Variants in CDC42EP3 observed in about 807,000 individuals in gnomAD.
CDC42EP3 encodes CDC42 effector protein (Rho GTPase binding) 3.
Under a neutral mutation model 15.5 loss-of-function variants are expected in CDC42EP3, and 4 were observed. The observed-to-expected ratio is 0.26, with a 90% confidence interval of 0.13 to 0.59. The LOEUF (loss-of-function observed/expected upper bound fraction) is 0.59, where lower values mean the gene tolerates loss of function less well. CDC42EP3 is among the 20% of genes least tolerant of loss of function. The pLI is 0.89. For synonymous variants in CDC42EP3, 145 were observed against 130.3 expected (o/e 1.11, Z -0.77); for missense variants, 309 against 311.2 (o/e 0.99, Z 0.05).
At chr2:37,667,860 G>C (rs1666292685) in intron 1 of CDC42EP3, among the ~76,000 whole-genome samples, 1 of 152,176 alleles carries the variant, frequency 6.6e-6, no homozygotes, top group African/African-American at 2.4e-5. Context: ...TTCAAACCCT[G>C]CTTCTGCTAT....
chr2:37,665,581 G>T (rs1159608973), intron 1 of CDC42EP3, among the ~76,000 whole-genome samples: 2 of 152,202 alleles, frequency 1.3e-5, no homozygotes, highest in Non-Finnish European at 2.9e-5. Context: ...AAATGATTAT[G>T]ATGTATTTGG....
At position 37,643,882 on chromosome 2, in the gene CDC42EP3, A is replaced by C. The variant is rs1335239574; in HGVS notation, c.*1941T>G. ...ACGAAATACAACTGAGAAGTTACGG[A>C]AAGCACACAATGCCCTAGGGCAAGC... On this transcript the variant is annotated 3_prime_UTR_variant, in exon 2 of 2. Transcript: ENST00000295324. 6.6e-6 allele frequency: 1 copy of C among 152,222 alleles called. No individual in the cohort carries two copies. Among genetic ancestry groups the C allele is most frequent in the African/African-American group, 2.4e-5 (1 of 41,454 alleles). The allele number at this position is 152,222 out of a possible 1,614,324, so 9.4% of individuals were successfully genotyped here.
chr2:37,647,662 C>T (rs780494220), intron 1 of CDC42EP3: 4 of 152,576 alleles, frequency 2.6e-5, no homozygotes, highest in Non-Finnish European at 5.9e-5. Context: ...GATCTGCCTC[C>T]TGGTGTTAAT....
At chr2:37,649,665 C>T (rs1210829548) in intron 1 of CDC42EP3, among the ~76,000 whole-genome samples, 1 of 151,930 alleles carries the variant, frequency 6.6e-6, no homozygotes, top group African/African-American at 2.4e-5. Context: ...GCTGGGCACC[C>T]ACCAGGGAGC....
chr2:37,661,714 C>T (rs767076823), intron 1 of CDC42EP3, among the ~76,000 whole-genome samples: 3 of 152,076 alleles, frequency 2.0e-5, no homozygotes, highest in Admixed American at 6.5e-5. Context: ...AGCCATCTGA[C>T]GGACTCTGGA....
At chr2:37,654,238 C>T (rs746485858) in intron 1 of CDC42EP3, among the ~76,000 whole-genome samples, 1 of 152,014 alleles carries the variant, frequency 6.6e-6, no homozygotes, top group African/African-American at 2.4e-5. Flanking sequence ...TCCTAGGCTC[C>T]ACATTTAGAA....
chr2:37,660,350 G>C lies in CDC42EP3; in HGVS notation c.-236+11076C>G, dbSNP rs186870534. On this transcript the variant is annotated intron_variant, in intron 1 of 1. Transcript: ENST00000295324. Reference sequence around the variant, plus strand: ...TTAGAAGTTAATTCCCCTGTCAATGGGACATAGGGCTGGGGCTATCTTCTC... The same window carrying C: ...TTAGAAGTTAATTCCCCTGTCAATGCGACATAGGGCTGGGGCTATCTTCTC... Among the ~76,000 whole-genome samples, 261 of 152,276 alleles carry C rather than the reference G, an allele frequency of 1.7e-3. 5 individuals are homozygous for C. The highest frequency in any genetic ancestry group is 3.4e-3 in the Middle Eastern group (1 of 294).
intron 1 of CDC42EP3, among the ~76,000 whole-genome samples, chr2:37,654,340 G>T (rs780836272): frequency 1.3e-5 from 2 of 152,118 alleles, no homozygotes; most frequent in Non-Finnish European, 2.9e-5. Flanking sequence ...TGTGAGAAGA[G>T]GCTGAAGGAA....
chr2:37,663,926 G>C (rs547904768), intron 1 of CDC42EP3, among the ~76,000 whole-genome samples: 4 of 152,274 alleles, frequency 2.6e-5, no homozygotes, highest in African/African-American at 9.6e-5. Flanking sequence ...TGTAATCCCA[G>C]CACTTTGGGA....
chr2:37,667,032 C>T (rs961978150), intron 1 of CDC42EP3, among the ~76,000 whole-genome samples: 2 of 152,130 alleles, frequency 1.3e-5, no homozygotes, highest in African/African-American at 2.4e-5. Flanking sequence ...CTGTTTCCAT[C>T]TGAGAAGTCT....
In CDC42EP3 at chr2:37,645,692, A is replaced by ATACTT; in HGVS notation, c.*126_*130dup. 1.3e-6 allele frequency: 1 copy of ATACTT among 765,704 alleles called. No individual in the cohort carries two copies. Among genetic ancestry groups the ATACTT allele is most frequent in the Non-Finnish European group, 2.0e-6 (1 of 496,992 alleles). 47.4% of individuals were successfully genotyped at this position (765,704 alleles called of 1,614,324 possible). On this transcript the variant is annotated 3_prime_UTR_variant, in exon 2 of 2. Transcript: ENST00000295324. ...CAAACAGGGCATAACAGGTAAAAAAATACTTTGTAAGAATATTATTTTAGA... is the reference window on the plus strand; with the variant it reads ...CAAACAGGGCATAACAGGTAAAAAAATACTTTACTTTGTAAGAATATTATTTTAGA...
At chr2:37,660,722 T>C (rs1394949030) in intron 1 of CDC42EP3, among the ~76,000 whole-genome samples, 1 of 152,078 alleles carries the variant, frequency 6.6e-6, no homozygotes, top group Non-Finnish European at 1.5e-5. Flanking sequence ...AAAAGGAAGC[T>C]GAGACCAAAG....
chr2:37,652,504 G>C (rs1249119096), intron 1 of CDC42EP3, among the ~76,000 whole-genome samples: 3 of 152,120 alleles, frequency 2.0e-5, no homozygotes, highest in African/African-American at 7.2e-5. Flanking sequence ...ATTAACCTGT[G>C]GGCACTGAGC....
chr2:37,652,491 A>G (rs1665721352), intron 1 of CDC42EP3, among the ~76,000 whole-genome samples: 1 of 152,152 alleles, frequency 6.6e-6, no homozygotes, highest in South Asian at 2.1e-4. Context: ...TCTCAACACC[A>G]GCATTAACCT....
chr2:37,661,719 T>C (rs1440290121), intron 1 of CDC42EP3, among the ~76,000 whole-genome samples: 2 of 152,144 alleles, frequency 1.3e-5, no homozygotes, highest in Non-Finnish European at 2.9e-5. Context: ...TCTGACGGAC[T>C]CTGGACAGAC....
rs1344506861 is a variant in CDC42EP3 at position 37,642,261 on chromosome 2, C to A, written c.*3562G>T. On this transcript the variant is annotated 3_prime_UTR_variant, in exon 2 of 2. Transcript: ENST00000295324. ...TTAGGAAATACATGTATTGCTTAGCCAGTACCAATAAGTTAACGTCGTGTG... is the reference window on the plus strand; with the variant it reads ...TTAGGAAATACATGTATTGCTTAGCAAGTACCAATAAGTTAACGTCGTGTG... The A allele has an allele frequency of 6.6e-6, 1 of 152,158 alleles. No homozygotes were observed. 9.4% of individuals were successfully genotyped at this position (152,158 alleles called of 1,614,324 possible). A position where few individuals can be genotyped will look rare whatever the true frequency, so the allele number is the denominator to read the frequency against.
At chr2:37,665,624 C>G (rs1220102377) in intron 1 of CDC42EP3, among the ~76,000 whole-genome samples, 2 of 152,148 alleles carry the variant, frequency 1.3e-5, no homozygotes, top group African/African-American at 2.4e-5. Flanking sequence ...AAACTCATGA[C>G]AACGATCTAT....
intron 1 of CDC42EP3, among the ~76,000 whole-genome samples, chr2:37,660,792 A>C (rs1326699224): frequency 6.6e-6 from 1 of 152,050 alleles, no homozygotes; most frequent in Non-Finnish European, 1.5e-5. Context: ...TAAGGTTAAA[A>C]AAAAAAAAAA....
intron 1 of CDC42EP3, among the ~76,000 whole-genome samples, chr2:37,662,762 A>C (rs1400375682): frequency 6.6e-6 from 1 of 152,224 alleles, no homozygotes; most frequent in African/African-American, 2.4e-5. Flanking sequence ...AAGACATTTC[A>C]TTCTGAAGCC....
Sources: gnomAD v4.1 joint callset for allele counts (sites outside exome capture counted in the v4.1 genomes callset) on GRCh38, gnomAD v4.1.1 for gene constraint, MANE v1.5 for transcripts, NCBI Gene and HGNC (gene_info 2026-07-23, HGNC 2026-07-21) for gene names.